ZFYVE28: variants seen among roughly 807,000 people sequenced by gnomAD.
The protein encoded by ZFYVE28 is lateral signaling target protein 2 homolog.
A neutral mutation model predicts 82.1 loss-of-function variants in ZFYVE28; 40 were observed. The observed-to-expected ratio is 0.49, with a 90% CI of 0.38 to 0.63. The LOEUF is 0.63. Ranked by LOEUF, ZFYVE28 falls within the 30% of genes least tolerant of loss-of-function variation. ZFYVE28 has a pLI of 0.00. For synonymous variants in ZFYVE28, 612 were observed against 546.1 expected (o/e 1.12, Z -1.68); for missense variants, 1,321 against 1,242.1 (o/e 1.06, Z -0.96).
Position 2,418,368 on chromosome 4 carries a change from G to T in ZFYVE28, c.-45C>A. On this transcript the variant is annotated 5_prime_UTR_variant, in exon 1 of 13. Coordinates refer to ENST00000290974, the MANE Select transcript of ZFYVE28 (RefSeq NM_020972.3). The surrounding 1 kb of genome is among the most constrained non-coding windows in gnomAD (Gnocchi z 4.6). The stretch of plus-strand genomic sequence containing the variant: ...GGACTCCGGGCGGCCCTCGCCCTCC[G>T]CAGCGCTGCGCCCGGGCCCGGCTGA... 3.0e-6 allele frequency: 4 copies of T among 1,355,558 alleles called. No homozygotes were observed. The South Asian group carries it at 6.5e-5, about 22-fold the overall frequency. The allele number at this position is 1,355,558 out of a possible 1,614,324, so 84.0% of individuals were successfully genotyped here.
At chr4:2,313,208 C>T (rs1464781869) in intron 7 of ZFYVE28, among the ~76,000 whole-genome samples, 2 of 150,100 alleles carry the variant, frequency 1.3e-5, no homozygotes, top group South Asian at 2.1e-4. Context: ...GGTTTCTTTA[C>T]GGTCTGTCAT....
chr4:2,272,470 C>G (rs1735997348), intron 10 of ZFYVE28, among the ~76,000 whole-genome samples: 1 of 152,218 alleles, frequency 6.6e-6, no homozygotes, highest in Admixed American at 6.5e-5. Context: ...CCTGCCTTCT[C>G]CCTCCCAGAT....
In ZFYVE28 at chr4:2,274,989, A is replaced by C. The variant is rs927281388; in HGVS notation, c.2052-773T>G. ...AGGGCTTAGGCCAGTTTGCGGGGAC[A>C]GCAGCCTCAAGAAACGAATACAGGA... On this transcript the variant is annotated intron_variant, in intron 8 of 12. Coordinates refer to ENST00000290974, the MANE Select transcript of ZFYVE28 (RefSeq NM_020972.3). Among the ~76,000 whole-genome samples, 3 of 148,470 alleles carry C rather than the reference A, an allele frequency of 2.0e-5. No homozygotes were observed. In the South Asian group the frequency reaches 6.2e-4, roughly 31 times the overall value.
intron 2 of ZFYVE28, among the ~76,000 whole-genome samples, chr4:2,350,497 T>C (rs1377667004): frequency 6.6e-6 from 1 of 151,884 alleles, no homozygotes; most frequent in Non-Finnish European, 1.5e-5. Context: ...AAGTATGATA[T>C]TGTAAAATAT....
intron 8 of ZFYVE28, among the ~76,000 whole-genome samples, chr4:2,298,971 G>A (rs1385077152): frequency 1.3e-5 from 2 of 152,204 alleles, no homozygotes; most frequent in African/African-American, 2.4e-5. Context: ...GAGGAGCAGC[G>A]CGCCTCGCAC....
At chr4:2,412,221 C>T (rs1200468046) in intron 1 of ZFYVE28, among the ~76,000 whole-genome samples, 2 of 152,190 alleles carry the variant, frequency 1.3e-5, no homozygotes, top group South Asian at 2.1e-4. Context: ...CTTTCACTCT[C>T]AGAATGGCCT....
At chr4:2,322,294 G>A (rs1265098704) in intron 6 of ZFYVE28, among the ~76,000 whole-genome samples, 1 of 152,258 alleles carries the variant, frequency 6.6e-6, no homozygotes, top group Non-Finnish European at 1.5e-5. Flanking sequence ...CGGCTGAAGA[G>A]GCTCAGAATG....
At chr4:2,323,814 A>G (rs1485896751) in intron 6 of ZFYVE28, among the ~76,000 whole-genome samples, 2 of 151,216 alleles carry the variant, frequency 1.3e-5, no homozygotes, top group Non-Finnish European at 2.9e-5. Flanking sequence ...TGTTCTTAAG[A>G]TAGTTTACTG....
Position 2,341,315 on chromosome 4 carries a change from G to T in ZFYVE28, c.318+163C>A, listed in dbSNP as rs755991407. ...TTTCCCAGATCCTCCAGGGGTGCAC[G>T]GCCTACCAGGCTCAGACCACACCAC... On this transcript the variant is annotated intron_variant, in intron 3 of 12. Coordinates refer to ENST00000290974, the MANE Select transcript of ZFYVE28 (RefSeq NM_020972.3). The surrounding 1 kb of genome is among the most constrained non-coding windows in gnomAD (Gnocchi z 4.5). 1 of 922,720 alleles carries T rather than the reference G, an allele frequency of 1.1e-6. No individual in the cohort carries two copies. The highest frequency in any genetic ancestry group is 1.6e-6 in the Non-Finnish European group (1 of 614,596). The allele number at this position is 922,720 out of a possible 1,614,324, so 57.2% of individuals were successfully genotyped here. A position where few individuals can be genotyped will look rare whatever the true frequency, so the allele number is the denominator to read the frequency against.
At chr4:2,291,818 C>T (rs913223437) in intron 8 of ZFYVE28, among the ~76,000 whole-genome samples, 5 of 152,324 alleles carry the variant, frequency 3.3e-5, no homozygotes, top group East Asian at 1.9e-4. Flanking sequence ...TGGGCCCCAG[C>T]GTCTGTGCCC....
intron 1 of ZFYVE28, among the ~76,000 whole-genome samples, chr4:2,356,746 G>A (rs1015117933): frequency 6.6e-6 from 1 of 152,200 alleles, no homozygotes; most frequent in African/African-American, 2.4e-5. Context: ...GAGGGGAGGC[G>A]GGGAAAGTGA....
chr4:2,417,200 C>T lies in ZFYVE28; in HGVS notation c.39+1085G>A, dbSNP rs996336647. On this transcript the variant is annotated intron_variant, in intron 1 of 12. Transcript: ENST00000290974. This position sits in a 1 kb window ranked among gnomAD's most constrained non-coding sequence, Gnocchi z 4.8. Reference sequence around the variant, plus strand: ...CTCCCGCCCTTGGTCGCCGCGGTGACCCCACCCGAGCCGTGACCTCCCCCA... The same window carrying T: ...CTCCCGCCCTTGGTCGCCGCGGTGATCCCACCCGAGCCGTGACCTCCCCCA... Among the ~76,000 whole-genome samples, 2 of 152,144 alleles carry T rather than the reference C, an allele frequency of 1.3e-5. No individual in the cohort carries two copies. The highest frequency in any genetic ancestry group is 4.8e-5 in the African/African-American group (2 of 41,454).
Position 2,305,515 on chromosome 4 carries a change from C to T in ZFYVE28, c.825G>A (p.Thr275=), listed in dbSNP as rs142497896. ...GTTCCAGCGTGTGCAGCTCCTCCTC[C>T]GTCAGCGTCTGCAGCAAATCCCTAC... ...RKIRDLLQTL[T]EEELHTLERN... is the part of the protein sequence containing the mutation. The change falls in exon 8 of 13, where the codon ACG becomes ACA. Residue 275 remains threonine, a synonymous_variant. Coordinates refer to ENST00000290974, the MANE Select transcript of ZFYVE28 (RefSeq NM_020972.3). 4.0e-5 allele frequency: 65 copies of T among 1,612,874 alleles called. No homozygotes were observed. In the African/African-American group the frequency reaches 4.4e-4, roughly 11 times the overall value.
intron 1 of ZFYVE28, among the ~76,000 whole-genome samples, chr4:2,363,764 C>G (rs1161595127): frequency 1.3e-5 from 2 of 152,318 alleles, no homozygotes; most frequent in African/African-American, 4.8e-5. Flanking sequence ...CTGTTCTCCA[C>G]GAAGTAGGAG....
chr4:2,407,803 G>A (rs1732083168), intron 1 of ZFYVE28, among the ~76,000 whole-genome samples: 2 of 152,270 alleles, frequency 1.3e-5, no homozygotes, highest in Middle Eastern at 3.4e-3. Flanking sequence ...GGCCAGGCTG[G>A]TCTTGACCTC....
At chr4:2,343,878 G>A (rs1190654602) in intron 2 of ZFYVE28, among the ~76,000 whole-genome samples, 3 of 152,214 alleles carry the variant, frequency 2.0e-5, no homozygotes, top group African/African-American at 4.8e-5. Flanking sequence ...TGTTATTCAC[G>A]ATGAGTCTCC....
In ZFYVE28 at chr4:2,406,125, A is replaced by C. The variant is rs528934739; in HGVS notation, c.39+12160T>G. Among the ~76,000 whole-genome samples, 5 of 151,778 alleles carry C rather than the reference A, an allele frequency of 3.3e-5. No individual in the cohort carries two copies. In the South Asian group the frequency reaches 1.0e-3, roughly 32 times the overall value. On this transcript the variant is annotated intron_variant, in intron 1 of 12. Coordinates refer to ENST00000290974, the MANE Select transcript of ZFYVE28 (RefSeq NM_020972.3). ...GGTGGCACATGCCTGTAATCCCAGC[A>C]CTTTGGGAGGCCGAGGCAGGTGAAT...
chr4:2,373,234 G>A lies in ZFYVE28; in HGVS notation c.40-19161C>T, dbSNP rs1003485705. Among the ~76,000 whole-genome samples the A allele has an allele frequency of 3.2e-4, 48 of 152,214 alleles. No individual in the cohort carries two copies. The East Asian group carries it at 5.4e-3, about 17-fold the overall frequency. The stretch of plus-strand genomic sequence containing the variant: ...AAGTATGAGCTGGGTGCTGTGGCTC[G>A]TGCCTGTAATCCCAGCACCTTGAGA... On this transcript the variant is annotated intron_variant, in intron 1 of 12. Transcript: ENST00000290974.
chr4:2,305,226 T>C lies in ZFYVE28; in HGVS notation c.1114A>G (p.Arg372Gly). 3 of 1,610,440 alleles carry C rather than the reference T, an allele frequency of 1.9e-6. No homozygotes were observed. The highest frequency in any genetic ancestry group is 4.5e-5 in the East Asian group (2 of 44,788). ...PPIACQSPAH[R>G]PGAEGSPGGE... Reference sequence around the variant, plus strand: ...CCTGGGCTGCCCTCCGCTCCTGGCCTGTGAGCTGGGGACTGGCAGGCAATG... The same window carrying C: ...CCTGGGCTGCCCTCCGCTCCTGGCCCGTGAGCTGGGGACTGGCAGGCAATG... The change falls in exon 8 of 13, where the codon AGG (arginine) becomes GGG (glycine). Residue 372 changes from arginine (R) to glycine (G), a missense_variant. Coordinates refer to ENST00000290974, the MANE Select transcript of ZFYVE28 (RefSeq NM_020972.3).
Sources: allele counts gnomAD v4.1 joint callset (sites outside exome capture counted in the v4.1 genomes callset), GRCh38; gene constraint gnomAD v4.1.1; non-coding constraint Gnocchi (gnomAD v3.1); transcripts MANE v1.5; gene names NCBI Gene and HGNC (gene_info 2026-07-23, HGNC 2026-07-21).